BUB1B: variants seen among roughly 807,000 people sequenced by gnomAD.
BUB1B encodes the protein mitotic checkpoint serine/threonine-protein kinase BUB1 beta.
Under a neutral mutation model 137.7 loss-of-function variants are expected in BUB1B, and 86 were observed. That is an observed-to-expected ratio of 0.62 (90% CI 0.52 to 0.75). BUB1B has a LOEUF of 0.75. Among genes scored for constraint, BUB1B ranks in the 30% least tolerant of loss-of-function variants. The pLI is 0.00. For synonymous variants in BUB1B, 420 were observed against 417.9 expected (o/e 1.00, Z -0.06); for missense variants, 1,130 against 1,236.9 (o/e 0.91, Z 1.30).
intron 20 of BUB1B, 112 bp downstream of exon 20, chr15:40,213,586 A>T (rs1156773469): frequency 3.4e-6 from 4 of 1,192,782 alleles, no homozygotes; most frequent in Admixed American, 3.5e-5. Context: ...CCTAGGTTGG[A>T]GTACAGTGGC....
intron 4 of BUB1B, among the ~76,000 whole-genome samples, chr15:40,171,151 GGT>G (rs2037157622): frequency 6.6e-6 from 1 of 152,068 alleles, no homozygotes; most frequent in Non-Finnish European, 1.5e-5. Context: ...TACCCAGGCT[GGT>G]CTTGAACTCC....
At chr15:40,184,127 T>C (rs2037331144) in intron 6 of BUB1B, among the ~76,000 whole-genome samples, 1 of 152,134 alleles carries the variant, frequency 6.6e-6, no homozygotes, top group Non-Finnish European at 1.5e-5. Context: ...TGAGTTTGAA[T>C]TGTTAGTTGA....
intron 5 of BUB1B, among the ~76,000 whole-genome samples, chr15:40,183,087 TATG>T (rs982442644): frequency 6.6e-6 from 1 of 152,168 alleles, no homozygotes; most frequent in African/African-American, 2.4e-5. Context: ...TTTTTACCCT[TATG>T]ATAATACTTT....
At chr15:40,178,663 G>A (rs1006057831) in intron 5 of BUB1B, among the ~76,000 whole-genome samples, 8 of 151,938 alleles carry the variant, frequency 5.3e-5, no homozygotes, top group Non-Finnish European at 1.2e-4. Context: ...GGGTTTTGAA[G>A]CCTCTTTGTG....
At chr15:40,176,916 T>C (rs1481301194) in intron 5 of BUB1B, among the ~76,000 whole-genome samples, 1 of 152,070 alleles carries the variant, frequency 6.6e-6, no homozygotes, top group African/African-American at 2.4e-5. Flanking sequence ...ACAGAATAAT[T>C]TCACACCCCC....
In BUB1B at chr15:40,202,630, C is replaced by T; in HGVS notation, c.1670C>T (p.Pro557Leu). The change falls in exon 14 of 23, where the codon CCC becomes CTC. Residue 557 changes from proline (P) to leucine (L), a missense_variant. Physicochemically the swap from Pro to Leu is moderately conservative, Grantham distance 98. Transcript: ENST00000287598. ...CCACGAGTTTTAGCTCAACGAAGAC[C>T]CCTTGCAGTTCTCAAAACCTCAGAA... The part of the protein sequence containing the change: ...DPPRVLAQRR[P>L]LAVLKTSESI... 6.2e-7 allele frequency: 1 copy of T among 1,614,042 alleles called. No homozygotes were observed. The highest frequency in any genetic ancestry group is 8.5e-7 in the Non-Finnish European group (1 of 1,180,016).
At chr15:40,196,519 G>GA in intron 8 of BUB1B, 26 bp from the exon 9 acceptor site, 1 of 1,565,624 alleles carries the variant, frequency 6.4e-7, no homozygotes, top group Non-Finnish European at 8.8e-7. Flanking sequence ...TGACCCATAT[G>GA]AATAATAGTA....
intron 11 of BUB1B, 64 bp downstream of exon 11, chr15:40,200,423 C>T: frequency 3.3e-6 from 4 of 1,214,080 alleles, no homozygotes; most frequent in African/African-American, 1.5e-5. Context: ...ACCTTTGACT[C>T]TCTAGTGCCT....
chr15:40,209,627 A>T lies in BUB1B; in HGVS notation c.2144-8A>T. 1 of 1,613,984 alleles carries T rather than the reference A, an allele frequency of 6.2e-7. No individual in the cohort carries two copies. Among genetic ancestry groups the T allele is most frequent in the Non-Finnish European group, 8.5e-7 (1 of 1,179,988 alleles). On this transcript the variant is annotated splice_polypyrimidine_tract_variant and splice_region_variant and intron_variant, in intron 16 of 22. Transcript: ENST00000287598. ...TGATATATTTTCACCTTTCCCTCCCACTGGCAGAAAACCCTACTCAGTCAC... is the reference window on the plus strand; with the variant it reads ...TGATATATTTTCACCTTTCCCTCCCTCTGGCAGAAAACCCTACTCAGTCAC...
intron 4 of BUB1B, among the ~76,000 whole-genome samples, chr15:40,171,841 C>T (rs1007379520): frequency 6.6e-6 from 1 of 152,016 alleles, no homozygotes; most frequent in African/African-American, 2.4e-5. Flanking sequence ...TACTGTCTTA[C>T]TTGACATGTA....
intron 1 of BUB1B, among the ~76,000 whole-genome samples, chr15:40,164,581 G>A (rs558488253): frequency 5.4e-4 from 81 of 151,304 alleles, no homozygotes; most frequent in South Asian, 1.0e-3. Flanking sequence ...AGAATTACTT[G>A]TTGCCTTTTT....
At chr15:40,180,246 C>G (rs1230139353) in intron 5 of BUB1B, among the ~76,000 whole-genome samples, 1 of 118,368 alleles carries the variant, frequency 8.4e-6, no homozygotes, top group Admixed American at 8.9e-5. Context: ...GTCAACGTTT[C>G]GTTTCTTTTT....
At chr15:40,183,999 C>G (rs765131397) in intron 6 of BUB1B, 116 bp downstream of exon 6, 76 of 1,107,272 alleles carry the variant, frequency 6.9e-5, no homozygotes, top group Non-Finnish European at 8.5e-5. Flanking sequence ...TACTGAGTAG[C>G]AAAAAGAAGG....
At chr15:40,169,344 C>G (rs1285234165) in intron 2 of BUB1B, among the ~76,000 whole-genome samples, 2 of 151,944 alleles carry the variant, frequency 1.3e-5, no homozygotes, top group Non-Finnish European at 2.9e-5. Context: ...ACATTTAAGA[C>G]TAGTCAACCT....
At chr15:40,182,917 C>A (rs2140889293) in intron 5 of BUB1B, among the ~76,000 whole-genome samples, 1 of 152,288 alleles carries the variant, frequency 6.6e-6, no homozygotes, top group African/African-American at 2.4e-5. Flanking sequence ...TCTCCACAGT[C>A]TGCTTGCTTT....
At chr15:40,166,267 G>C (rs2037096194) in intron 2 of BUB1B, 1 of 368,860 alleles carries the variant, frequency 2.7e-6, no homozygotes, top group African/African-American at 2.2e-5. Flanking sequence ...TTCCAGTTTT[G>C]TGCTTTATAA....
At chr15:40,217,416 C>T in intron 20 of BUB1B, 80 bp from the exon 21 acceptor site, 1 of 1,473,598 alleles carries the variant, frequency 6.8e-7, no homozygotes, top group Non-Finnish European at 9.5e-7. Flanking sequence ...ACCCAAGGTA[C>T]CTTTTTTTTT....
At chr15:40,202,509 T>G (rs2140901972) in intron 13 of BUB1B, 44 bp downstream of exon 13, 1 of 1,594,998 alleles carries the variant, frequency 6.3e-7, no homozygotes, top group South Asian at 1.1e-5. Context: ...TACTTAAGAA[T>G]TTTCTGTTAT....
intron 20 of BUB1B, among the ~76,000 whole-genome samples, chr15:40,214,483 C>G (rs1307563271): frequency 6.6e-6 from 1 of 152,074 alleles, no homozygotes; most frequent in Non-Finnish European, 1.5e-5. Context: ...CTGTGTCTGC[C>G]CAACCCTGTG....
Sources: gnomAD v4.1 joint callset for allele counts (sites outside exome capture counted in the v4.1 genomes callset) on GRCh38, gnomAD v4.1.1 for gene constraint, MANE v1.5 for transcripts, NCBI Gene and HGNC (gene_info 2026-07-23, HGNC 2026-07-21) for gene names.